TMEM132B: variants seen among roughly 807,000 people sequenced by gnomAD.
TMEM132B encodes transmembrane protein 132B.
TMEM132B carries 18 observed loss-of-function variants against 90.8 expected under a neutral mutation model. The observed-to-expected ratio is 0.20, with a 90% CI of 0.14 to 0.29. The LOEUF (loss-of-function observed/expected upper bound fraction) is 0.29, where lower values mean the gene tolerates loss of function less well. Among genes scored for constraint, TMEM132B ranks in the 10% least tolerant of loss-of-function variants. TMEM132B has a pLI of 1.00. For synonymous variants in TMEM132B, 504 were observed against 523.3 expected (o/e 0.96, Z 0.50); for missense variants, 1,096 against 1,326.8 (o/e 0.83, Z 2.70).
intron 1 of TMEM132B, among the ~76,000 whole-genome samples, chr12:125,193,064 C>T (rs575771253): frequency 1.2e-4 from 18 of 152,218 alleles, no homozygotes; most frequent in Admixed American, 3.3e-4. Flanking sequence ...GGGCACGAGT[C>T]CCAGGACAGG....
At chr12:125,550,921 T>TC (rs1423184189) in intron 4 of TMEM132B, among the ~76,000 whole-genome samples, 4 of 152,094 alleles carry the variant, frequency 2.6e-5, no homozygotes, top group East Asian at 1.9e-4. Flanking sequence ...CAAGTGATTC[T>TC]CCCCCCTCAG....
At position 125,629,670 on chromosome 12, in the gene TMEM132B, AC is replaced by A. The variant is rs562513756; in HGVS notation, c.1438-14405del. On this transcript the variant is annotated intron_variant, in intron 5 of 8. Transcript: ENST00000682704. ...GATTGCTTTAGCTGGGACATCCAGT[AC>A]TATGCTGAATAACAGTGGTAAAAGT... 6.1e-3 allele frequency among the ~76,000 whole-genome samples: 930 copies of A among 152,240 alleles called. 10 individuals are homozygous for A. Among genetic ancestry groups the A allele is most frequent in the African/African-American group, 0.021 (878 of 41,552 alleles).
chr12:125,325,602 T>A (rs1593085156), intron 1 of TMEM132B, among the ~76,000 whole-genome samples: 2 of 152,138 alleles, frequency 1.3e-5, no homozygotes, highest in Admixed American at 6.5e-5. Context: ...ATTTTTCTGA[T>A]CTGAAGTTGG....
intron 2 of TMEM132B, among the ~76,000 whole-genome samples, chr12:125,359,220 T>C (rs1877882961): frequency 6.6e-6 from 1 of 152,216 alleles, no homozygotes; most frequent in South Asian, 2.1e-4. Context: ...ACAGGGTGAA[T>C]GTTTATGCTT....
At chr12:125,286,639 G>C (rs1875363688) in intron 1 of TMEM132B, among the ~76,000 whole-genome samples, 1 of 152,096 alleles carries the variant, frequency 6.6e-6, no homozygotes, top group Non-Finnish European at 1.5e-5. Flanking sequence ...CCTGCAGTCA[G>C]TTTCACTGGG....
At chr12:125,437,481 C>T (rs183630043) in intron 3 of TMEM132B, among the ~76,000 whole-genome samples, 2 of 152,234 alleles carry the variant, frequency 1.3e-5, no homozygotes, top group East Asian at 3.9e-4. Context: ...TATGGTAATT[C>T]TATGTGTAAT....
intron 4 of TMEM132B, among the ~76,000 whole-genome samples, chr12:125,582,691 A>G (rs1885081347): frequency 6.6e-6 from 1 of 152,216 alleles, no homozygotes; most frequent in African/African-American, 2.4e-5. Flanking sequence ...ACTGTAGAGA[A>G]CTTACTGTAA....
intron 1 of TMEM132B, among the ~76,000 whole-genome samples, chr12:125,264,644 C>CT (rs1443915429): frequency 6.6e-6 from 1 of 152,228 alleles, no homozygotes. Context: ...AGTGGAGCAG[C>CT]TCACAGCTGG....
chr12:125,217,542 G>T (rs1434155186), intron 1 of TMEM132B, among the ~76,000 whole-genome samples: 1 of 152,150 alleles, frequency 6.6e-6, no homozygotes, highest in African/African-American at 2.4e-5. Flanking sequence ...GACCTTCCAG[G>T]CTTAGGCGAT....
At chr12:125,532,795 G>A (rs184586268) in intron 4 of TMEM132B, among the ~76,000 whole-genome samples, 9 of 152,150 alleles carry the variant, frequency 5.9e-5, no homozygotes, top group Non-Finnish European at 1.3e-4. Context: ...GATTACAGGC[G>A]TGAACCACCA....
chr12:125,468,207 C>T (rs1245911123), intron 3 of TMEM132B, among the ~76,000 whole-genome samples: 2 of 151,712 alleles, frequency 1.3e-5, no homozygotes, highest in African/African-American at 4.8e-5. Context: ...CAGGGCTGCA[C>T]CATTTTACAT....
chr12:125,573,326 T>C (rs187215822), intron 4 of TMEM132B, among the ~76,000 whole-genome samples: 1 of 152,206 alleles, frequency 6.6e-6, no homozygotes, highest in Non-Finnish European at 1.5e-5. Context: ...AGTTCATGAT[T>C]GCAGAGTTCA....
chr12:125,576,642 T>C (rs115319841), intron 4 of TMEM132B, among the ~76,000 whole-genome samples: 1,994 of 152,172 alleles, frequency 0.013, 54 homozygotes, highest in African/African-American at 0.046. Flanking sequence ...TTCCCATCAA[T>C]TCCTAATTTA....
At chr12:125,225,463 G>A (rs76799257) in intron 1 of TMEM132B, among the ~76,000 whole-genome samples, 4,110 of 152,344 alleles carry the variant, frequency 0.027, 182 homozygotes, top group African/African-American at 0.093. Flanking sequence ...ACATAGGCAA[G>A]TTTTGCTAGA....
At chr12:125,639,305 A>C (rs1886568793) in intron 5 of TMEM132B, among the ~76,000 whole-genome samples, 1 of 152,242 alleles carries the variant, frequency 6.6e-6, no homozygotes, top group South Asian at 2.1e-4. Context: ...TAATATATGA[A>C]ATCACTTTCA....
At chr12:125,435,230 T>C (rs948546150) in intron 3 of TMEM132B, among the ~76,000 whole-genome samples, 1 of 152,228 alleles carries the variant, frequency 6.6e-6, no homozygotes, top group African/African-American at 2.4e-5. Context: ...CCCCACTTGC[T>C]CTTCTGAATT....
chr12:125,521,280 T>TTTCTCC (rs1410690438), intron 4 of TMEM132B, among the ~76,000 whole-genome samples: 1 of 152,128 alleles, frequency 6.6e-6, no homozygotes, highest in Non-Finnish European at 1.5e-5. Context: ...CTTCTCCTTC[T>TTTCTCC]TTCTCCTTCT....
intron 3 of TMEM132B, among the ~76,000 whole-genome samples, chr12:125,482,373 T>C (rs1334028420): frequency 2.6e-5 from 4 of 152,104 alleles, no homozygotes; most frequent in Non-Finnish European, 5.9e-5. Flanking sequence ...AGGGCTAATA[T>C]CCAGAATCTA....
chr12:125,596,699 C>T (rs1299218602), intron 5 of TMEM132B, among the ~76,000 whole-genome samples: 2 of 152,198 alleles, frequency 1.3e-5, no homozygotes, highest in Admixed American at 1.3e-4. Context: ...TTTTGATGCC[C>T]TGAACTACTG....
Sources: allele counts gnomAD v4.1 joint callset (sites outside exome capture counted in the v4.1 genomes callset), GRCh38; gene constraint gnomAD v4.1.1; transcripts MANE v1.5; gene names NCBI Gene and HGNC (gene_info 2026-07-23, HGNC 2026-07-21).